Variants in TMEM117 observed in about 807,000 individuals in gnomAD.
The protein encoded by TMEM117 is transmembrane protein 117.
A neutral mutation model predicts 52.4 loss-of-function variants in TMEM117; 27 were observed. The observed-to-expected ratio is 0.51, with a 90% confidence interval of 0.38 to 0.71. The LOEUF (loss-of-function observed/expected upper bound fraction) is 0.71, where lower values mean the gene tolerates loss of function less well. Ranked by LOEUF, TMEM117 falls within the 30% of genes least tolerant of loss-of-function variation. The probability of loss-of-function intolerance (pLI) is 0.00; values close to 1 mark genes in which losing one functional copy is unlikely to be tolerated. For synonymous variants in TMEM117, 215 were observed against 206.3 expected, an observed-to-expected ratio of 1.04 and a Z score of -0.36; for missense variants, 556 against 630.5, an observed-to-expected ratio of 0.88 and a Z score of 1.26.
chr12:44,334,606 G>A (rs1413322363), intron 6 of TMEM117, among the ~76,000 whole-genome samples: 1 of 151,894 alleles, frequency 6.6e-6, no homozygotes, highest in African/African-American at 2.4e-5. Flanking sequence ...TCTGAGACAC[G>A]TGGCATGATT....
At chr12:44,089,856 C>T (rs1026750845) in intron 3 of TMEM117, among the ~76,000 whole-genome samples, 1 of 152,070 alleles carries the variant, frequency 6.6e-6, no homozygotes, top group African/African-American at 2.4e-5. Context: ...ATAAAAACAG[C>T]CATAGACAAT....
intron 3 of TMEM117, among the ~76,000 whole-genome samples, chr12:43,984,628 C>A (rs1436559453): frequency 1.3e-5 from 2 of 152,094 alleles, no homozygotes; most frequent in Non-Finnish European, 2.9e-5. Flanking sequence ...ATCAATTTCC[C>A]CTATTGATAG....
rs79007657 is a variant in TMEM117 at position 44,017,326 on chromosome 12, CTTTTTTTT to C, written c.410+72996_410+73003del. Among the ~76,000 whole-genome samples, 8 of 97,114 alleles carry C rather than the reference CTTTTTTTT, an allele frequency of 8.2e-5. No homozygotes were observed. The South Asian group carries it at 1.6e-3, about 20-fold the overall frequency. The allele number at this position is 97,114 out of a possible 152,430, so 63.7% of individuals were successfully genotyped here. ...TCAAGCTTTTCCTTTTCTTTCTTTC[CTTTTTTTT>C]TTTTTTTTTTTGGTGATGAGACAGA... On this transcript the variant is annotated intron_variant, in intron 3 of 7. Coordinates refer to ENST00000266534, the MANE Select transcript of TMEM117 (RefSeq NM_032256.3).
At chr12:44,276,881 A>T (rs192953401) in intron 5 of TMEM117, among the ~76,000 whole-genome samples, 13 of 150,660 alleles carry the variant, frequency 8.6e-5, no homozygotes, top group African/African-American at 2.7e-4. Flanking sequence ...TTTTAAATAC[A>T]TGAAAAGTTT....
chr12:43,869,686 T>C (rs1943670290), intron 2 of TMEM117, among the ~76,000 whole-genome samples: 1 of 152,272 alleles, frequency 6.6e-6, no homozygotes, highest in Non-Finnish European at 1.5e-5. Flanking sequence ...CTGTTCTTGC[T>C]GCATGATTTT....
At chr12:43,822,564 C>T in the TMEM117 span, among the ~76,000 whole-genome samples, 6 of 150,360 alleles carry the variant, frequency 4.0e-5, no homozygotes, top group Admixed American at 6.6e-5. Context: ...TGATCCAGTA[C>T]TCTGTGTTCT....
intron 2 of TMEM117, among the ~76,000 whole-genome samples, chr12:43,881,790 CAAAA>C (rs58734580): frequency 2.4e-5 from 1 of 42,024 alleles, no homozygotes; most frequent in Non-Finnish European, 3.9e-5. Flanking sequence ...ACTCTTGTCT[CAAAA>C]AAAAAAAAAA....
At chr12:44,078,257 C>T (rs147439686) in intron 3 of TMEM117, among the ~76,000 whole-genome samples, 8 of 152,274 alleles carry the variant, frequency 5.3e-5, no homozygotes, top group African/African-American at 9.6e-5. Context: ...GATATGCCAA[C>T]GACAGAAATA....
chr12:44,305,355 G>A (rs1418485875), intron 6 of TMEM117, among the ~76,000 whole-genome samples: 1 of 152,096 alleles, frequency 6.6e-6, no homozygotes, highest in Non-Finnish European at 1.5e-5. Context: ...AAATAGGAGA[G>A]TAAAAAGACA....
At chr12:43,978,882 G>T (rs1341764976) in intron 3 of TMEM117, among the ~76,000 whole-genome samples, 1 of 151,598 alleles carries the variant, frequency 6.6e-6, no homozygotes, top group Non-Finnish European at 1.5e-5. Context: ...TAGCCTTGGG[G>T]CCATCTGTCC....
At chr12:44,311,381 T>C (rs1002871790) in intron 6 of TMEM117, among the ~76,000 whole-genome samples, 2 of 152,052 alleles carry the variant, frequency 1.3e-5, no homozygotes, top group African/African-American at 4.8e-5. Context: ...CACACAAAAA[T>C]GTGTCTAGAA....
intron 2 of TMEM117, among the ~76,000 whole-genome samples, chr12:43,923,392 A>G (rs2137561465): frequency 6.6e-6 from 1 of 152,348 alleles, no homozygotes; most frequent in South Asian, 2.1e-4. Context: ...TGTACAGACC[A>G]GGGTGGCATC....
intron 3 of TMEM117, among the ~76,000 whole-genome samples, chr12:44,083,990 A>G (rs887226850): frequency 3.9e-5 from 6 of 152,192 alleles, no homozygotes; most frequent in Admixed American, 1.3e-4. Flanking sequence ...TTTTGAGCAC[A>G]ACTGTTTCAA....
intron 2 of TMEM117, among the ~76,000 whole-genome samples, chr12:43,846,019 T>C (rs1943201781): frequency 6.6e-6 from 1 of 152,190 alleles, no homozygotes; most frequent in Admixed American, 6.5e-5. Flanking sequence ...AATGCCTCCA[T>C]ATCACAGCAC....
At chr12:44,382,232 T>A (rs1952030739) in intron 7 of TMEM117, among the ~76,000 whole-genome samples, 1 of 152,168 alleles carries the variant, frequency 6.6e-6, no homozygotes, top group African/African-American at 2.4e-5. Context: ...CATTTGTACA[T>A]ACATGAGCAC....
the TMEM117 span, chr12:43,797,244 G>C: frequency 1.3e-6 from 2 of 1,508,932 alleles, no homozygotes; most frequent in East Asian, 2.3e-5. Context: ...AAGAATATAG[G>C]GCTGATACAC....
intron 5 of TMEM117, among the ~76,000 whole-genome samples, chr12:44,261,574 G>A (rs561870940): frequency 1.3e-5 from 2 of 152,132 alleles, no homozygotes; most frequent in South Asian, 2.1e-4. Context: ...CAATAGTATC[G>A]CTATGGGGAG....
At chr12:44,078,890 A>G (rs978817592) in intron 3 of TMEM117, among the ~76,000 whole-genome samples, 14 of 82,332 alleles carry the variant, frequency 1.7e-4, no homozygotes, top group Admixed American at 1.2e-3. Context: ...AGGCCCCAGT[A>G]TGTGATGTTA....
chr12:44,332,382 C>T (rs988362308), intron 6 of TMEM117, among the ~76,000 whole-genome samples: 2 of 151,938 alleles, frequency 1.3e-5, no homozygotes, highest in East Asian at 3.9e-4. Context: ...TGGGTTATGC[C>T]AAATTGCTCT....
Sources: allele counts gnomAD v4.1 joint callset (sites outside exome capture counted in the v4.1 genomes callset), GRCh38; gene constraint gnomAD v4.1.1; transcripts MANE v1.5; gene names NCBI Gene and HGNC (gene_info 2026-07-23, HGNC 2026-07-21).